The following CTNNA3 variants were observed in gnomAD, a reference collection of about 807,000 sequenced individuals.
CTNNA3 encodes catenin alpha 3, also known as catenin alpha-3.
In CTNNA3, 76 loss-of-function variants were observed where a neutral mutation model predicts 95.7. The observed-to-expected ratio is 0.79, with a 90% CI of 0.66 to 0.96. CTNNA3 has a LOEUF of 0.96. Ranked by LOEUF, CTNNA3 falls within the 40% of genes least tolerant of loss-of-function variation. The pLI is 0.00. For missense variants in CTNNA3, 1,191 were observed against 1,089.8 expected (o/e 1.09, Z -1.31); for synonymous variants, 431 against 374.4 (o/e 1.15, Z -1.74).
rs1454534907 is a variant in CTNNA3 at position 66,360,655 on chromosome 10, CT to C, written c.1732+18496del. Among the ~76,000 whole-genome samples, 39 of 44,784 alleles carry C rather than the reference CT, an allele frequency of 8.7e-4. 1 individual carries two copies. Among genetic ancestry groups the C allele is most frequent in the Non-Finnish European group, 1.1e-3 (23 of 21,548 alleles). 29.4% of individuals were successfully genotyped at this position (44,784 alleles called of 152,430 possible). A position where few individuals can be genotyped will look rare whatever the true frequency, so the allele number is the denominator to read the frequency against. On this transcript the variant is annotated intron_variant, in intron 12 of 17. Coordinates refer to ENST00000433211, the MANE Select transcript of CTNNA3 (RefSeq NM_013266.4). ...TCTTTCTTTCTTTCTTTCTTTCTTT[CT>C]TTCTTCCTTCCTTCCTTCCTTCCTT...
At chr10:67,487,910 A>G (rs746221488) in intron 5 of CTNNA3, among the ~76,000 whole-genome samples, 9 of 152,222 alleles carry the variant, frequency 5.9e-5, no homozygotes, top group Non-Finnish European at 1.5e-5. Context: ...TCAGAGTTCT[A>G]TGGATGAGGA....
chr10:67,624,556 G>A (rs1201463387), intron 2 of CTNNA3, among the ~76,000 whole-genome samples: 1 of 152,124 alleles, frequency 6.6e-6, no homozygotes, highest in Non-Finnish European at 1.5e-5. Context: ...TAAATTTTGT[G>A]TGTCTTTTCT....
At chr10:66,683,842 A>G (rs991207226) in intron 9 of CTNNA3, among the ~76,000 whole-genome samples, 2 of 152,264 alleles carry the variant, frequency 1.3e-5, no homozygotes, top group African/African-American at 4.8e-5. Flanking sequence ...TGAGGTAGGC[A>G]GGGGGATGTA....
chr10:65,954,901 A>AT lies in CTNNA3; in HGVS notation c.2400+11710dup, dbSNP rs555539495. Reference sequence around the variant, plus strand: ...TTTGATTCCATATGAGCTTTAAAGTATTTTTTTTCCAATTCTGTGAAGGAA... The same window carrying AT: ...TTTGATTCCATATGAGCTTTAAAGTATTTTTTTTTCCAATTCTGTGAAGGAA... On this transcript the variant is annotated intron_variant, in intron 17 of 17. Transcript: ENST00000433211. 1.6e-4 allele frequency among the ~76,000 whole-genome samples: 25 copies of AT among 151,988 alleles called. No individual in the cohort carries two copies. The South Asian group carries it at 4.0e-3, about 24-fold the overall frequency.
At chr10:66,459,873 T>C (rs1240035203) in intron 11 of CTNNA3, among the ~76,000 whole-genome samples, 1 of 152,206 alleles carries the variant, frequency 6.6e-6, no homozygotes, top group Non-Finnish European at 1.5e-5. Flanking sequence ...ATGTAATGAA[T>C]GACTGCATTT....
chr10:66,229,812 GC>G (rs2089498639), intron 13 of CTNNA3, among the ~76,000 whole-genome samples: 1 of 151,980 alleles, frequency 6.6e-6, no homozygotes, highest in Non-Finnish European at 1.5e-5. Flanking sequence ...ATAGGTTTCT[GC>G]CTTTTAGCAT....
At chr10:67,314,187 T>C (rs1840946064) in intron 5 of CTNNA3, among the ~76,000 whole-genome samples, 1 of 152,174 alleles carries the variant, frequency 6.6e-6, no homozygotes, top group South Asian at 2.1e-4. Flanking sequence ...GTATAGGCAT[T>C]TAATAATTAA....
intron 13 of CTNNA3, among the ~76,000 whole-genome samples, chr10:66,121,919 C>T (rs2082601464): frequency 6.6e-6 from 1 of 152,102 alleles, no homozygotes; most frequent in African/African-American, 2.4e-5. Flanking sequence ...GTTTCTGGTA[C>T]AAAAGATGTT....
intron 15 of CTNNA3, among the ~76,000 whole-genome samples, chr10:66,023,284 AC>A (rs1425094657): frequency 6.6e-6 from 1 of 152,242 alleles, no homozygotes; most frequent in Non-Finnish European, 1.5e-5. Context: ...TTATGTTGCA[AC>A]AGAGGAATCA....
At chr10:67,303,488 T>A (rs1840412961) in intron 5 of CTNNA3, among the ~76,000 whole-genome samples, 1 of 152,240 alleles carries the variant, frequency 6.6e-6, no homozygotes, top group South Asian at 2.1e-4. Context: ...AGATCCGGCA[T>A]GCAGGCCTAA....
At chr10:66,971,687 A>T (rs778091127) in intron 7 of CTNNA3, among the ~76,000 whole-genome samples, 1 of 152,164 alleles carries the variant, frequency 6.6e-6, no homozygotes. Context: ...AAGAACAGGT[A>T]AGGGTATAAA....
chr10:67,216,628 G>C (rs780992079), intron 6 of CTNNA3, among the ~76,000 whole-genome samples: 3 of 152,110 alleles, frequency 2.0e-5, no homozygotes, highest in Non-Finnish European at 4.4e-5. Flanking sequence ...TATGAATGAT[G>C]ATACATGAAT....
chr10:67,541,133 T>A (rs1032619417), intron 3 of CTNNA3, among the ~76,000 whole-genome samples: 1 of 151,884 alleles, frequency 6.6e-6, no homozygotes, highest in Non-Finnish European at 1.5e-5. Context: ...ACATATATCT[T>A]TACATGCATG....
intron 12 of CTNNA3, among the ~76,000 whole-genome samples, chr10:66,333,136 T>G (rs1265755880): frequency 5.9e-5 from 9 of 152,006 alleles, no homozygotes; most frequent in Non-Finnish European, 1.2e-4. Context: ...TTATTAGTCT[T>G]GCTAGCGGCC....
intron 5 of CTNNA3, among the ~76,000 whole-genome samples, chr10:67,231,436 G>T (rs1469511455): frequency 3.3e-5 from 5 of 152,118 alleles, no homozygotes; most frequent in Admixed American, 6.5e-5. Context: ...ACAGGGCCGG[G>T]TACTCCAACA....
chr10:67,054,880 CATT>C (rs1855331454), intron 7 of CTNNA3: 1 of 152,138 alleles, frequency 6.6e-6, no homozygotes, highest in Non-Finnish European at 1.5e-5. Flanking sequence ...CCTGTTAGTA[CATT>C]ATAGCAACTA....
At chr10:66,287,122 T>C (rs1254414751) in intron 12 of CTNNA3, among the ~76,000 whole-genome samples, 1 of 151,968 alleles carries the variant, frequency 6.6e-6, no homozygotes, top group East Asian at 1.9e-4. Context: ...GCCTGAAATA[T>C]ACGTTTATTA....
intron 12 of CTNNA3, among the ~76,000 whole-genome samples, chr10:66,314,305 C>T (rs2092068089): frequency 1.3e-5 from 2 of 151,938 alleles, no homozygotes; most frequent in African/African-American, 4.8e-5. Flanking sequence ...GAAATAAGGC[C>T]CAAGGTTGCC....
chr10:66,571,346 C>G (rs1290473194), intron 10 of CTNNA3, among the ~76,000 whole-genome samples: 1 of 152,156 alleles, frequency 6.6e-6, no homozygotes, highest in Non-Finnish European at 1.5e-5. Flanking sequence ...AGCATTACAA[C>G]TATCTGTGTT....
Sources: allele counts gnomAD v4.1 joint callset (sites outside exome capture counted in the v4.1 genomes callset), GRCh38; gene constraint gnomAD v4.1.1; transcripts MANE v1.5; gene names NCBI Gene and HGNC (gene_info 2026-07-23, HGNC 2026-07-21).